Variants in SDK1 observed in about 807,000 individuals in gnomAD.
SDK1 encodes the protein sidekick cell adhesion molecule 1.
A neutral mutation model predicts 245.5 loss-of-function variants in SDK1; 157 were observed. The observed-to-expected ratio is 0.64, with a 90% confidence interval of 0.56 to 0.73. SDK1 has a LOEUF of 0.73. Ranked by LOEUF, SDK1 falls within the 30% of genes least tolerant of loss-of-function variation. The pLI is 0.00. For synonymous variants in SDK1, 1,647 were observed against 1,278.5 expected, an observed-to-expected ratio of 1.29 and a Z score of -6.15; for missense variants, 3,583 against 3,002.3, an observed-to-expected ratio of 1.19 and a Z score of -4.52.
intron 1 of SDK1, among the ~76,000 whole-genome samples, chr7:3,553,874 G>T (rs1208905782): frequency 3.3e-5 from 5 of 152,188 alleles, no homozygotes; most frequent in Non-Finnish European, 7.4e-5. Context: ...GCCTGGGGAA[G>T]TCCCTTCACT....
At chr7:3,799,014 C>T (rs1779037907) in intron 4 of SDK1, among the ~76,000 whole-genome samples, 1 of 152,050 alleles carries the variant, frequency 6.6e-6, no homozygotes, top group Non-Finnish European at 1.5e-5. Context: ...TTTGAATTCT[C>T]CTGCAAGGAA....
intron 4 of SDK1, among the ~76,000 whole-genome samples, chr7:3,748,124 A>T (rs1188748983): frequency 6.6e-6 from 1 of 152,222 alleles, no homozygotes; most frequent in Non-Finnish European, 1.5e-5. Flanking sequence ...AAATGATGAC[A>T]TAATAGTTAA....
chr7:3,894,610 C>T (rs1348382987), intron 5 of SDK1, among the ~76,000 whole-genome samples: 3 of 152,048 alleles, frequency 2.0e-5, no homozygotes, highest in Non-Finnish European at 4.4e-5. Context: ...AGAGCTACAA[C>T]ATCAGGGCAT....
chr7:3,472,780 A>T (rs1781223888), intron 1 of SDK1, among the ~76,000 whole-genome samples: 2 of 152,200 alleles, frequency 1.3e-5, no homozygotes, highest in African/African-American at 4.8e-5. Context: ...GGTCTGGCTA[A>T]CAGTACCAGC....
chr7:3,548,926 C>G (rs745818287), intron 1 of SDK1, among the ~76,000 whole-genome samples: 137 of 152,288 alleles, frequency 9.0e-4, no homozygotes, highest in Non-Finnish European at 1.5e-3. Flanking sequence ...TCGGAGACTT[C>G]TGTTAAGATC....
intron 1 of SDK1, among the ~76,000 whole-genome samples, chr7:3,343,518 T>A (rs1780409703): frequency 6.6e-6 from 1 of 152,124 alleles, no homozygotes; most frequent in African/African-American, 2.4e-5. Context: ...CGGACATGGA[T>A]GTGGCTAATG....
intron 1 of SDK1, among the ~76,000 whole-genome samples, chr7:3,501,951 G>A (rs1170078061): frequency 2.0e-5 from 3 of 152,130 alleles, no homozygotes; most frequent in Non-Finnish European, 4.4e-5. Flanking sequence ...GACCAAAGGT[G>A]TTTATTCTTT....
chr7:3,583,191 C>T (rs992302906), intron 1 of SDK1, among the ~76,000 whole-genome samples: 11 of 152,274 alleles, frequency 7.2e-5, no homozygotes, highest in East Asian at 3.9e-4. Context: ...TTACAGCTCT[C>T]GGGCTAATGA....
At chr7:3,916,106 A>C (rs1779368213) in intron 5 of SDK1, among the ~76,000 whole-genome samples, 1 of 152,176 alleles carries the variant, frequency 6.6e-6, no homozygotes, top group Non-Finnish European at 1.5e-5. Flanking sequence ...GGGTTTTTGG[A>C]ACTTCAGTAT....
At chr7:4,211,431 C>T (rs929853847) in intron 38 of SDK1, among the ~76,000 whole-genome samples, 9 of 149,436 alleles carry the variant, frequency 6.0e-5, no homozygotes, top group Non-Finnish European at 1.0e-4. Context: ...GGGAAGGGTG[C>T]GGGGGCAGGG....
chr7:3,761,428 C>G (rs755275730), intron 4 of SDK1, among the ~76,000 whole-genome samples: 14 of 151,706 alleles, frequency 9.2e-5, no homozygotes, highest in Middle Eastern at 6.8e-3. Context: ...GTGGTGGGCA[C>G]CTGTAGTCCC....
chr7:4,199,819 T>C (rs570061811), intron 35 of SDK1, among the ~76,000 whole-genome samples: 2 of 152,296 alleles, frequency 1.3e-5, no homozygotes, highest in East Asian at 3.9e-4. Flanking sequence ...ACTCCTCCTC[T>C]TCTGTGTTCT....
At chr7:3,323,607 C>T (rs34727194) in intron 1 of SDK1, among the ~76,000 whole-genome samples, 2,546 of 152,260 alleles carry the variant, frequency 0.017, 33 homozygotes, top group Non-Finnish European at 0.025. Context: ...TTTCGTGTGC[C>T]CCACTCCATC....
intron 1 of SDK1, among the ~76,000 whole-genome samples, chr7:3,541,601 T>A (rs1214149502): frequency 1.3e-5 from 2 of 152,232 alleles, no homozygotes; most frequent in Non-Finnish European, 2.9e-5. Context: ...TAACTATGGA[T>A]ATGGCACTTA....
At chr7:3,321,721 CCCT>C (rs1562412539) in intron 1 of SDK1, among the ~76,000 whole-genome samples, 8 of 22,710 alleles carry the variant, frequency 3.5e-4, no homozygotes, top group African/African-American at 1.1e-3. Flanking sequence ...CCTCCCTCTC[CCCT>C]CTCCCTCCCA....
chr7:4,212,096 G>A (rs1262375160), intron 38 of SDK1, among the ~76,000 whole-genome samples: 3 of 152,180 alleles, frequency 2.0e-5, no homozygotes, highest in Admixed American at 6.5e-5. Context: ...CAGACAGACT[G>A]TAAAAATTAT....
At chr7:3,391,905 A>G (rs1781766940) in intron 1 of SDK1, among the ~76,000 whole-genome samples, 1 of 151,800 alleles carries the variant, frequency 6.6e-6, no homozygotes, top group Admixed American at 6.6e-5. Flanking sequence ...ATGGGATCAC[A>G]GGTGTCAACC....
At chr7:3,539,427 G>T (rs1036962876) in intron 1 of SDK1, among the ~76,000 whole-genome samples, 1 of 152,080 alleles carries the variant, frequency 6.6e-6, no homozygotes, top group African/African-American at 2.4e-5. Context: ...GGAAATGTTG[G>T]GCCTTTGCCT....
At chr7:3,842,168 G>A (rs908533933) in intron 5 of SDK1, among the ~76,000 whole-genome samples, 1 of 152,120 alleles carries the variant, frequency 6.6e-6, no homozygotes, top group Admixed American at 6.5e-5. Flanking sequence ...GAATCACCAG[G>A]GGTAATGGAA....
Sources: allele counts gnomAD v4.1 joint callset (sites outside exome capture counted in the v4.1 genomes callset), GRCh38; gene constraint gnomAD v4.1.1; transcripts MANE v1.5; gene names NCBI Gene and HGNC (gene_info 2026-07-23, HGNC 2026-07-21).